The following CFAP20DC variants were observed in gnomAD, a reference collection of about 807,000 sequenced individuals.
The protein encoded by CFAP20DC is CFAP20 domain containing.
In CFAP20DC, 84 loss-of-function variants were observed where a neutral mutation model predicts 101.7. The observed-to-expected ratio is 0.83, with a 90% confidence interval of 0.69 to 0.99. The LOEUF (loss-of-function observed/expected upper bound fraction) is 0.99, where lower values mean the gene tolerates loss of function less well. CFAP20DC is among the 50% of genes least tolerant of loss of function. The pLI is 0.00. For synonymous variants in CFAP20DC, 359 were observed against 351.2 expected, an observed-to-expected ratio of 1.02 and a Z score of -0.25; for missense variants, 1,007 against 970.3, an observed-to-expected ratio of 1.04 and a Z score of -0.50.
At chr3:58,870,403 T>G (rs185332562) in intron 7 of CFAP20DC, 94 bp from the exon 8 acceptor site, 22 of 1,297,334 alleles carry the variant, frequency 1.7e-5, no homozygotes, top group Middle Eastern at 2.6e-4. Flanking sequence ...CCAGGTGCCA[T>G]AGGATCCAAA....
intron 10 of CFAP20DC, 86 bp from the exon 11 acceptor site, chr3:58,866,774 CT>C: frequency 1.2e-6 from 1 of 868,716 alleles, no homozygotes; most frequent in Non-Finnish European, 1.7e-6. Flanking sequence ...CTTTGGTATA[CT>C]TTACTATTTG....
Position 59,006,239 on chromosome 3 carries a change from G to T in CFAP20DC, c.278+33318C>A, listed in dbSNP as rs1044686283. ...CATCCCAGCAACCAGAATAAGCCAA[G>T]AAAACTATAAAATCATGACGTTAAA... On this transcript the variant is annotated intron_variant, in intron 4 of 16. Coordinates refer to ENST00000482387, the MANE Select transcript of CFAP20DC (RefSeq NM_001394063.1). This position sits in a 1 kb window ranked among gnomAD's most constrained non-coding sequence, Gnocchi z 4.3. Among the ~76,000 whole-genome samples, 1 of 152,094 alleles carries T rather than the reference G, an allele frequency of 6.6e-6. No individual in the cohort carries two copies. Among genetic ancestry groups the T allele is most frequent in the Non-Finnish European group, 1.5e-5 (1 of 68,018 alleles).
chr3:58,956,055 C>A (rs531124558), intron 4 of CFAP20DC, among the ~76,000 whole-genome samples: 1 of 151,528 alleles, frequency 6.6e-6, no homozygotes, highest in South Asian at 2.1e-4. Context: ...ACATACTACA[C>A]TGAGGGCCTA....
intron 4 of CFAP20DC, among the ~76,000 whole-genome samples, chr3:59,016,599 ATTGTATAT>A (rs959554296): frequency 3.3e-5 from 5 of 152,204 alleles, no homozygotes; most frequent in African/African-American, 1.2e-4. Flanking sequence ...ATCATTACAC[ATTGTATAT>A]ACACATTGAA....
intron 7 of CFAP20DC, among the ~76,000 whole-genome samples, chr3:58,872,724 T>C (rs1341617537): frequency 6.6e-6 from 1 of 152,172 alleles, no homozygotes; most frequent in African/African-American, 2.4e-5. Context: ...CAGGAAGCTT[T>C]TAGTCCAACA....
In CFAP20DC at chr3:58,928,247, G is replaced by A. The variant is rs966836666; in HGVS notation, c.393+9401C>T. ...AGTAAATAGATTGTTAAAGTGCAAGGTGGAGAGGTATTATGAGGGTTATGA... is the reference window on the plus strand; with the variant it reads ...AGTAAATAGATTGTTAAAGTGCAAGATGGAGAGGTATTATGAGGGTTATGA... On this transcript the variant is annotated intron_variant, in intron 5 of 16. Transcript: ENST00000482387. Among the ~76,000 whole-genome samples the A allele has an allele frequency of 7.2e-5, 11 of 152,200 alleles. 1 individual carries two copies. Among genetic ancestry groups the A allele is most frequent in the Admixed American group, 6.6e-4 (10 of 15,266 alleles).
At chr3:58,827,318 G>A (rs1213720995) in intron 14 of CFAP20DC, among the ~76,000 whole-genome samples, 1 of 151,490 alleles carries the variant, frequency 6.6e-6, no homozygotes, top group Non-Finnish European at 1.5e-5. Context: ...GCCAGACAGA[G>A]AAGAGATGAG....
At chr3:59,022,609 A>G (rs1177392141) in intron 4 of CFAP20DC, among the ~76,000 whole-genome samples, 1 of 152,136 alleles carries the variant, frequency 6.6e-6, no homozygotes, top group African/African-American at 2.4e-5. Context: ...TATGTACATG[A>G]AACAGAAAGG....
intron 15 of CFAP20DC, among the ~76,000 whole-genome samples, chr3:58,755,550 TG>T (rs2107283139): frequency 6.6e-6 from 1 of 152,260 alleles, no homozygotes; most frequent in Admixed American, 6.5e-5. Context: ...GCTACCCCAG[TG>T]GGGAAAGTGT....
intron 15 of CFAP20DC, among the ~76,000 whole-genome samples, chr3:58,763,352 C>T (rs935508783): frequency 6.6e-6 from 1 of 152,192 alleles, no homozygotes; most frequent in Admixed American, 6.5e-5. Flanking sequence ...CTTGTGTATT[C>T]ATCACGTAGT....
At chr3:58,745,078 A>C (rs1348369944) in intron 16 of CFAP20DC, among the ~76,000 whole-genome samples, 2 of 152,160 alleles carry the variant, frequency 1.3e-5, no homozygotes, top group Non-Finnish European at 2.9e-5. Context: ...TCAGAGAAGG[A>C]AGGCTGCGTT....
At chr3:58,836,459 C>A (rs760824614) in intron 13 of CFAP20DC, among the ~76,000 whole-genome samples, 1 of 152,090 alleles carries the variant, frequency 6.6e-6, no homozygotes, top group Non-Finnish European at 1.5e-5. Flanking sequence ...CAGATAGGAA[C>A]CAGTTCTGCT....
chr3:58,832,972 T>C (rs1365713261), intron 13 of CFAP20DC, among the ~76,000 whole-genome samples: 1 of 152,212 alleles, frequency 6.6e-6, no homozygotes, highest in African/African-American at 2.4e-5. Flanking sequence ...GTTGTACTAA[T>C]AAGGATTTTT....
At chr3:58,991,975 T>C (rs1227157537) in intron 4 of CFAP20DC, among the ~76,000 whole-genome samples, 2 of 152,236 alleles carry the variant, frequency 1.3e-5, no homozygotes, top group Non-Finnish European at 2.9e-5. Context: ...TTATTACTGC[T>C]GCTAAACACA....
intron 15 of CFAP20DC, among the ~76,000 whole-genome samples, chr3:58,763,764 C>T (rs1213340420): frequency 1.3e-5 from 2 of 152,192 alleles, no homozygotes; most frequent in Non-Finnish European, 2.9e-5. Context: ...ACAGTCAGGA[C>T]CCTCAGCTGC....
chr3:58,941,731 G>A (rs1342663195), intron 4 of CFAP20DC, among the ~76,000 whole-genome samples: 1 of 151,946 alleles, frequency 6.6e-6, no homozygotes, highest in African/African-American at 2.4e-5. Context: ...ACTGCCCTCG[G>A]CTAATTTTTT....
At position 58,869,394 on chromosome 3, in the gene CFAP20DC, G is replaced by T; in HGVS notation, c.949C>A (p.Pro317Thr). ...NGTEMSALLI[P>T]ESEEQGNKEN... Reference sequence around the variant, plus strand: ...TTATTTCCTTGTTCCTCAGACTCAGGTATCAGCAAGGCTGACATTTCTGTA... The same window carrying T: ...TTATTTCCTTGTTCCTCAGACTCAGTTATCAGCAAGGCTGACATTTCTGTA... Residue 317 changes from proline to threonine, a missense_variant, in exon 9 of 17, where the codon CCT (proline) becomes ACT (threonine). Transcript: ENST00000482387. The surrounding 1 kb of genome is among the most constrained non-coding windows in gnomAD (Gnocchi z 4.3). The T allele has an allele frequency of 1.2e-6, 2 of 1,613,412 alleles. No individual in the cohort carries two copies. The highest frequency in any genetic ancestry group is 1.7e-6 in the Non-Finnish European group (2 of 1,179,494).
At position 59,049,925 on chromosome 3, in the gene CFAP20DC, TG is replaced by T; in HGVS notation, c.-295del. 2.5e-6 allele frequency: 1 copy of T among 404,928 alleles called. No individual in the cohort carries two copies. The highest frequency in any genetic ancestry group is 5.5e-5 in the South Asian group (1 of 18,192). 25.1% of individuals were successfully genotyped at this position (404,928 alleles called of 1,614,324 possible). ...GCCGTCCCTGGGGAGTGATTGTGTG[TG>T]TAACCTACGTGACGGGGCGCCCAGT... On this transcript the variant is annotated 5_prime_UTR_variant, in exon 1 of 17. Coordinates refer to ENST00000482387, the MANE Select transcript of CFAP20DC (RefSeq NM_001394063.1).
In CFAP20DC at chr3:58,892,217, G is replaced by A. The variant is rs563202055; in HGVS notation, c.551-7508C>T. The stretch of plus-strand genomic sequence containing the variant: ...GTGCCTGTTTTCGTATCAGTACCAT[G>A]CTCTTTTGGTTACTGTAGACTTGTA... On this transcript the variant is annotated intron_variant, in intron 6 of 16. Coordinates refer to ENST00000482387, the MANE Select transcript of CFAP20DC (RefSeq NM_001394063.1). This position sits in a 1 kb window ranked among gnomAD's most constrained non-coding sequence, Gnocchi z 4.0. 6.6e-6 allele frequency among the ~76,000 whole-genome samples: 1 copy of A among 152,292 alleles called. No individual in the cohort carries two copies. Among genetic ancestry groups the A allele is most frequent in the South Asian group, 2.1e-4 (1 of 4,826 alleles).
Sources: gnomAD v4.1 joint callset for allele counts (sites outside exome capture counted in the v4.1 genomes callset) on GRCh38, gnomAD v4.1.1 for gene constraint, Gnocchi (gnomAD v3.1) non-coding constraint, MANE v1.5 for transcripts, NCBI Gene and HGNC (gene_info 2026-07-23, HGNC 2026-07-21) for gene names.